STAG1: variants seen among roughly 807,000 people sequenced by gnomAD.
STAG1 encodes cohesin subunit SA-1.
In STAG1, 26 loss-of-function variants were observed where a neutral mutation model predicts 170.9. That is an observed-to-expected ratio of 0.15 (90% confidence interval 0.11 to 0.21). The LOEUF (loss-of-function observed/expected upper bound fraction) is 0.21. STAG1 is among the 10% of genes least tolerant of loss of function. The probability of loss-of-function intolerance (pLI) is 1.00; values close to 1 mark genes in which losing one functional copy is unlikely to be tolerated. For synonymous variants in STAG1, 514 were observed against 497.7 expected (o/e 1.03, Z -0.44); for missense variants, 964 against 1,509.5 (o/e 0.64, Z 5.99).
intron 11 of STAG1, among the ~76,000 whole-genome samples, chr3:136,473,092 T>C (rs1190142597): frequency 6.6e-6 from 1 of 152,156 alleles, no homozygotes; most frequent in Admixed American, 6.6e-5. Context: ...AACAGGAACA[T>C]GAACCCTACT....
intron 15 of STAG1, among the ~76,000 whole-genome samples, chr3:136,435,872 C>A (rs1315171824): frequency 6.6e-5 from 10 of 151,536 alleles, no homozygotes; most frequent in Admixed American, 6.6e-4. Flanking sequence ...GTTTCACCAT[C>A]TTGGCCATGC....
chr3:136,421,792 C>A (rs1157429018), intron 19 of STAG1, among the ~76,000 whole-genome samples: 2 of 152,050 alleles, frequency 1.3e-5, no homozygotes, highest in Admixed American at 6.6e-5. Context: ...CACAATAATT[C>A]AGCAATATTA....
At chr3:136,347,194 G>C (rs574258007) in intron 29 of STAG1, among the ~76,000 whole-genome samples, 1 of 149,362 alleles carries the variant, frequency 6.7e-6, no homozygotes, top group Non-Finnish European at 1.5e-5. Flanking sequence ...TCAGGAGTTC[G>C]AGACCAGCCT....
intron 1 of STAG1, among the ~76,000 whole-genome samples, chr3:136,748,454 T>C (rs1935062579): frequency 6.6e-6 from 1 of 151,994 alleles, no homozygotes; most frequent in African/African-American, 2.4e-5. Context: ...TGGAGTGCAG[T>C]GGCGTGATCC....
At chr3:136,745,248 GAAGGT>G (rs1934876653) in intron 1 of STAG1, among the ~76,000 whole-genome samples, 2 of 152,130 alleles carry the variant, frequency 1.3e-5, no homozygotes, top group African/African-American at 4.8e-5. Flanking sequence ...ATTTCATAAA[GAAGGT>G]AAGACATTCT....
intron 22 of STAG1, among the ~76,000 whole-genome samples, chr3:136,390,643 T>A (rs1463276487): frequency 1.3e-5 from 2 of 152,222 alleles, no homozygotes; most frequent in African/African-American, 4.8e-5. Context: ...ATAAAATGCT[T>A]ACATGCGACT....
At chr3:136,424,495 G>A (rs1489396667) in intron 16 of STAG1, among the ~76,000 whole-genome samples, 3 of 151,574 alleles carry the variant, frequency 2.0e-5, no homozygotes, top group Admixed American at 6.6e-5. Flanking sequence ...CCACTAAGTC[G>A]GGCTAAGTTT....
chr3:136,598,312 A>G (rs528858127), intron 4 of STAG1, among the ~76,000 whole-genome samples: 18 of 152,120 alleles, frequency 1.2e-4, no homozygotes, highest in Non-Finnish European at 2.2e-4. Flanking sequence ...TAATGCCCTT[A>G]AGATAACACA....
chr3:136,377,622 G>T, intron 23 of STAG1, 38 bp downstream of exon 23: 1 of 1,529,778 alleles, frequency 6.5e-7, no homozygotes, highest in Non-Finnish European at 9.0e-7. Context: ...ATGTATTTGA[G>T]TTGATTTTAT....
chr3:136,501,778 G>GT (rs1933491776), intron 8 of STAG1, among the ~76,000 whole-genome samples: 1 of 152,060 alleles, frequency 6.6e-6, no homozygotes, highest in Non-Finnish European at 1.5e-5. Flanking sequence ...TTATTCATAC[G>GT]TAATTCCTTT....
chr3:136,351,103 A>G (rs959571581), intron 28 of STAG1, among the ~76,000 whole-genome samples: 3 of 152,254 alleles, frequency 2.0e-5, no homozygotes, highest in Non-Finnish European at 4.4e-5. Flanking sequence ...GTTTTTAACT[A>G]AAAAACAAGT....
chr3:136,557,363 A>G (rs1383619495), intron 5 of STAG1, among the ~76,000 whole-genome samples: 2 of 152,198 alleles, frequency 1.3e-5, no homozygotes, highest in Non-Finnish European at 2.9e-5. Flanking sequence ...TTGTACAATC[A>G]AGAAAAACTG....
chr3:136,396,520 CTTTTTTTTT>C lies in STAG1; in HGVS notation c.2277+2220_2277+2228del, dbSNP rs146270857. ...ACAGGCGTGAGCCACCGCGCCTGGC[CTTTTTTTTT>C]TTTTTTTTTTTTTTTTTGGAGACAG... On this transcript the variant is annotated intron_variant, in intron 22 of 33. Coordinates refer to ENST00000383202, the MANE Select transcript of STAG1 (RefSeq NM_005862.3). Among the ~76,000 whole-genome samples the C allele has an allele frequency of 3.0e-3, 131 of 43,654 alleles. 1 individual carries two copies. The South Asian group carries it at 0.048, about 16-fold the overall frequency. 28.6% of individuals were successfully genotyped at this position (43,654 alleles called of 152,430 possible). A position where few individuals can be genotyped will look rare whatever the true frequency, so the allele number is the denominator to read the frequency against.
chr3:136,751,316 T>C (rs1935223817), intron 1 of STAG1, among the ~76,000 whole-genome samples: 1 of 152,216 alleles, frequency 6.6e-6, no homozygotes, highest in South Asian at 2.1e-4. Context: ...GTGACAATCC[T>C]AAAACCTGAA....
At chr3:136,645,573 C>G (rs1012465287) in intron 1 of STAG1, among the ~76,000 whole-genome samples, 5 of 152,170 alleles carry the variant, frequency 3.3e-5, no homozygotes, top group African/African-American at 1.2e-4. Flanking sequence ...AATTTACTGT[C>G]CATGCTGTTC....
chr3:136,500,948 G>C (rs1000857567), intron 8 of STAG1, among the ~76,000 whole-genome samples: 2 of 152,066 alleles, frequency 1.3e-5, no homozygotes, highest in Admixed American at 6.6e-5. Flanking sequence ...CATTCAAGGT[G>C]GTATCTACTA....
chr3:136,476,008 T>A lies in STAG1; in HGVS notation c.1026+1281A>T, dbSNP rs76046815. Among the ~76,000 whole-genome samples, 84 of 152,326 alleles carry A rather than the reference T, an allele frequency of 5.5e-4. 5 individuals are homozygous for A. The East Asian group carries it at 0.016, about 29-fold the overall frequency. ...GTCTCTTATGTCAAAATAAGAGTTA[T>A]GATATGAAAAAAGTGAAGTCTAAAG... On this transcript the variant is annotated intron_variant, in intron 10 of 33. Transcript: ENST00000383202.
chr3:136,614,920 T>C (rs1322714395), intron 3 of STAG1, among the ~76,000 whole-genome samples: 1 of 152,108 alleles, frequency 6.6e-6, no homozygotes, highest in Non-Finnish European at 1.5e-5. Flanking sequence ...ATGCAAAAAT[T>C]TTATACATAC....
chr3:136,713,961 T>G (rs561488032), intron 1 of STAG1, among the ~76,000 whole-genome samples: 4 of 151,252 alleles, frequency 2.6e-5, no homozygotes, highest in South Asian at 4.2e-4. Context: ...GAGGCAGAGG[T>G]TGCAGTGAGC....
Sources: gnomAD v4.1 joint callset for allele counts (sites outside exome capture counted in the v4.1 genomes callset) on GRCh38, gnomAD v4.1.1 for gene constraint, MANE v1.5 for transcripts, NCBI Gene and HGNC (gene_info 2026-07-23, HGNC 2026-07-21) for gene names.